Variants in MAP3K4 observed in about 807,000 individuals in gnomAD.
MAP3K4 encodes the protein MAP three kinase 1.
MAP3K4 carries 67 observed loss-of-function variants against 185.6 expected under a neutral mutation model. The observed-to-expected ratio is 0.36, with a 90% confidence interval of 0.30 to 0.44. MAP3K4 has a LOEUF of 0.44. Among genes scored for constraint, MAP3K4 ranks in the 20% least tolerant of loss-of-function variants. The pLI, the probability that MAP3K4 is intolerant of heterozygous loss-of-function variation, is 1.00. For synonymous variants in MAP3K4, 702 were observed against 710.4 expected (o/e 0.99, Z 0.19); for missense variants, 1,551 against 1,995.1 (o/e 0.78, Z 4.24).
At position 161,051,585 on chromosome 6, in the gene MAP3K4, T is replaced by C. The variant is rs758835630; in HGVS notation, c.1707+1606T>C. On this transcript the variant is annotated intron_variant, in intron 3 of 26. Coordinates refer to ENST00000392142, the MANE Select transcript of MAP3K4 (RefSeq NM_005922.4). The surrounding 1 kb of genome is among the most constrained non-coding windows in gnomAD (Gnocchi z 4.2). Reference sequence around the variant, plus strand: ...GATGTTTAATTTGTATTGTGACCACTGGTTTTGAAGTAACATGAGTGAAGA... The same window carrying C: ...GATGTTTAATTTGTATTGTGACCACCGGTTTTGAAGTAACATGAGTGAAGA... Among the ~76,000 whole-genome samples, 1 of 152,128 alleles carries C rather than the reference T, an allele frequency of 6.6e-6. No individual in the cohort carries two copies. The highest frequency in any genetic ancestry group is 2.4e-5 in the African/African-American group (1 of 41,452).
intron 3 of MAP3K4, among the ~76,000 whole-genome samples, chr6:161,058,220 AT>A (rs199759561): frequency 3.3e-5 from 5 of 152,106 alleles, no homozygotes; most frequent in African/African-American, 1.2e-4. Context: ...TGTTTTAAAT[AT>A]TTTTTTTGAC....
chr6:161,098,188 C>T lies in MAP3K4; in HGVS notation c.3525-90C>T, dbSNP rs1326195468. 13 of 1,347,702 alleles carry T rather than the reference C, an allele frequency of 9.6e-6. 1 individual carries two copies. The Admixed American group carries it at 2.6e-4, about 27-fold the overall frequency. The allele number at this position is 1,347,702 out of a possible 1,614,324, so 83.5% of individuals were successfully genotyped here. The stretch of plus-strand genomic sequence containing the variant: ...TTATATTTTTAAATATATTTCACCC[C>T]CTTGCCATATTTTATTTTTAATTGA... On this transcript the variant is annotated intron_variant, in intron 16 of 26. Transcript: ENST00000392142. The surrounding 1 kb of genome is among the most constrained non-coding windows in gnomAD (Gnocchi z 4.4).
At position 161,073,459 on chromosome 6, in the gene MAP3K4, T is replaced by C; in HGVS notation, c.1951-7T>C. 6.3e-7 allele frequency: 1 copy of C among 1,584,068 alleles called. No homozygotes were observed. The highest frequency in any genetic ancestry group is 8.6e-7 in the Non-Finnish European group (1 of 1,165,030). ...GGCTGCTGGAACCTGTGTGTGTTGT[T>C]TTGCAGCTGGTGAGAGAGTGTAAGG... On this transcript the variant is annotated splice_polypyrimidine_tract_variant and splice_region_variant and intron_variant, in intron 4 of 26. Transcript: ENST00000392142. This position sits in a 1 kb window ranked among gnomAD's most constrained non-coding sequence, Gnocchi z 4.2.
rs966594616 is a variant in MAP3K4 at position 160,996,146 on chromosome 6, G to T, written c.152+4063G>T. On this transcript the variant is annotated intron_variant, in intron 1 of 26. Transcript: ENST00000392142. The surrounding 1 kb of genome is among the most constrained non-coding windows in gnomAD (Gnocchi z 4.5). ...TATGTCAACTGTTCTCCCTGGCAAA[G>T]TCAGCCTCCTGTGGTGCTCCAGACT... 6.6e-6 allele frequency among the ~76,000 whole-genome samples: 1 copy of T among 152,136 alleles called. No homozygotes were observed. Among genetic ancestry groups the T allele is most frequent in the Non-Finnish European group, 1.5e-5 (1 of 68,038 alleles).
chr6:161,070,904 G>A lies in MAP3K4; in HGVS notation c.1950+54G>A. ...TAGCAATTATTATATTATCCTACAG[G>A]CTTATCATTTTTATTTTGAGAGTTC... On this transcript the variant is annotated intron_variant, in intron 4 of 26. Transcript: ENST00000392142. This position sits in a 1 kb window ranked among gnomAD's most constrained non-coding sequence, Gnocchi z 4.5. 7 of 1,439,464 alleles carry A rather than the reference G, an allele frequency of 4.9e-6. 1 individual carries two copies. Among genetic ancestry groups the A allele is most frequent in the South Asian group, 4.3e-5 (3 of 69,980 alleles). The allele number at this position is 1,439,464 out of a possible 1,614,324, so 89.2% of individuals were successfully genotyped here. A position where few individuals can be genotyped will look rare whatever the true frequency, so the allele number is the denominator to read the frequency against.
chr6:161,030,907 T>C (rs1782897106), intron 1 of MAP3K4, among the ~76,000 whole-genome samples: 2 of 152,208 alleles, frequency 1.3e-5, no homozygotes, highest in Non-Finnish European at 2.9e-5. Context: ...ATTAAGTAAA[T>C]CCTAAGAAAA....
rs1302443034 is a variant in MAP3K4 at position 161,061,648 on chromosome 6, G to GCAAC, written c.1708-8958_1708-8955dup. 6.6e-6 allele frequency among the ~76,000 whole-genome samples: 1 copy of GCAAC among 152,132 alleles called. No homozygotes were observed. Among genetic ancestry groups the GCAAC allele is most frequent in the East Asian group, 1.9e-4 (1 of 5,186 alleles). On this transcript the variant is annotated intron_variant, in intron 3 of 26. Coordinates refer to ENST00000392142, the MANE Select transcript of MAP3K4 (RefSeq NM_005922.4). The surrounding 1 kb of genome is among the most constrained non-coding windows in gnomAD (Gnocchi z 4.2). ...CTGTGCTCACTAGCCCTATCTCTAG[G>GCAAC]CAACCGCTAATCTACTTTCTGTCTC...
In MAP3K4 at chr6:161,087,557, T is replaced by A; in HGVS notation, c.2557-131T>A. ...CTGAAGCCGGCTACCTGCAGTTCCC[T>A]CACTGCTCCAATTCATGCCCTTCCC... On this transcript the variant is annotated intron_variant, in intron 9 of 26. Coordinates refer to ENST00000392142, the MANE Select transcript of MAP3K4 (RefSeq NM_005922.4). This position sits in a 1 kb window ranked among gnomAD's most constrained non-coding sequence, Gnocchi z 4.9. The A allele has an allele frequency of 1.1e-6, 1 of 876,648 alleles. No homozygotes were observed. The highest frequency in any genetic ancestry group is 1.8e-6 in the Non-Finnish European group (1 of 552,292). 54.3% of individuals were successfully genotyped at this position (876,648 alleles called of 1,614,324 possible).
In MAP3K4 at chr6:161,036,139, G is replaced by A. The variant is rs139738739; in HGVS notation, c.343+1690G>A. 1.1e-4 allele frequency among the ~76,000 whole-genome samples: 16 copies of A among 152,304 alleles called. No individual in the cohort carries two copies. The East Asian group carries it at 2.9e-3, about 28-fold the overall frequency. On this transcript the variant is annotated intron_variant, in intron 2 of 26. Transcript: ENST00000392142. ...GTTCTGTTGTCCTGCTGGTCTGTGC[G>A]AGAGATAGAGGGAAAGGAAAGGATT...
At position 161,110,634 on chromosome 6, in the gene MAP3K4, A is replaced by G. The variant is rs1778304113; in HGVS notation, c.4396+720A>G. On this transcript the variant is annotated intron_variant, in intron 23 of 26. Coordinates refer to ENST00000392142, the MANE Select transcript of MAP3K4 (RefSeq NM_005922.4). The surrounding 1 kb of genome is among the most constrained non-coding windows in gnomAD (Gnocchi z 4.8). ...GAGGCTAACCTAAACACATTAACTT[A>G]GGAACCGACCTGACTTCTGACCAGG... Among the ~76,000 whole-genome samples, 1 of 152,218 alleles carries G rather than the reference A, an allele frequency of 6.6e-6. No individual in the cohort carries two copies. The highest frequency in any genetic ancestry group is 2.4e-5 in the African/African-American group (1 of 41,450).
chr6:161,050,807 A>G (rs1453930371), intron 3 of MAP3K4, among the ~76,000 whole-genome samples: 1 of 152,194 alleles, frequency 6.6e-6, no homozygotes, highest in African/African-American at 2.4e-5. Flanking sequence ...CTAAAAGTGA[A>G]ACCCAAATCT....
intron 1 of MAP3K4, among the ~76,000 whole-genome samples, chr6:161,013,659 A>T (rs1349341318): frequency 1.3e-5 from 2 of 152,344 alleles, no homozygotes; most frequent in Non-Finnish European, 2.9e-5. Context: ...TGAAGAGGCA[A>T]CGTTACATCT....
rs1254701898 is a variant in MAP3K4, at chr6:161,097,720, TCA to T, written c.3524+545_3524+546del. The stretch of plus-strand genomic sequence containing the variant: ...TGAGCACCTTCTCTCGCCTGTATAA[TCA>T]GTTTTTAAAAGTTTAATTTTATTTG... On this transcript the variant is annotated intron_variant, in intron 16 of 26. Transcript: ENST00000392142. The surrounding 1 kb of genome is among the most constrained non-coding windows in gnomAD (Gnocchi z 4.9). 1.3e-5 allele frequency among the ~76,000 whole-genome samples: 2 copies of T among 152,184 alleles called. No homozygotes were observed. The highest frequency in any genetic ancestry group is 2.9e-5 in the Non-Finnish European group (2 of 68,038).
At position 161,110,351 on chromosome 6, in the gene MAP3K4, T is replaced by C. The variant is rs763601093; in HGVS notation, c.4396+437T>C. On this transcript the variant is annotated intron_variant, in intron 23 of 26. Coordinates refer to ENST00000392142, the MANE Select transcript of MAP3K4 (RefSeq NM_005922.4). The surrounding 1 kb of genome is among the most constrained non-coding windows in gnomAD (Gnocchi z 4.8). ...TGAGGCTACGTTTTTGAGACAAGAA[T>C]GGGGTTTGTTTACACAAACCTTGAA... Among the ~76,000 whole-genome samples, 3 of 152,214 alleles carry C rather than the reference T, an allele frequency of 2.0e-5. No individual in the cohort carries two copies. Among genetic ancestry groups the C allele is most frequent in the Non-Finnish European group, 4.4e-5 (3 of 68,032 alleles).
At chr6:161,023,433 G>A (rs535058828) in intron 1 of MAP3K4, among the ~76,000 whole-genome samples, 8 of 152,322 alleles carry the variant, frequency 5.3e-5, no homozygotes, top group South Asian at 4.1e-4. Context: ...GTATGTTTAG[G>A]TTATGCTTCT....
intron 1 of MAP3K4, among the ~76,000 whole-genome samples, chr6:161,032,486 A>G (rs554265765): frequency 6.6e-6 from 1 of 152,296 alleles, no homozygotes; most frequent in African/African-American, 2.4e-5. Flanking sequence ...CTTATTTTGT[A>G]AATGTACACA....
rs1778212462 is a variant in MAP3K4, at chr6:161,108,631, A to G, written c.4120-112A>G. On this transcript the variant is annotated intron_variant, in intron 21 of 26. Coordinates refer to ENST00000392142, the MANE Select transcript of MAP3K4 (RefSeq NM_005922.4). This position sits in a 1 kb window ranked among gnomAD's most constrained non-coding sequence, Gnocchi z 5.7. The stretch of plus-strand genomic sequence containing the variant: ...CTTAATTTTTTGTTGTTTTTAATTG[A>G]CAAATCATGATTACATATATTTATG... 1.4e-6 allele frequency: 1 copy of G among 704,586 alleles called. No individual in the cohort carries two copies. The highest frequency in any genetic ancestry group is 1.8e-5 in the African/African-American group (1 of 55,650). The allele number at this position is 704,586 out of a possible 1,614,324, so 43.6% of individuals were successfully genotyped here.
At position 161,051,555 on chromosome 6, in the gene MAP3K4, G is replaced by A. The variant is rs1784002014; in HGVS notation, c.1707+1576G>A. 6.6e-6 allele frequency among the ~76,000 whole-genome samples: 1 copy of A among 152,168 alleles called. No homozygotes were observed. The highest frequency in any genetic ancestry group is 2.4e-5 in the African/African-American group (1 of 41,440). ...ATTAAGGACATATGTTGGTAAGACAGGATTGATGTTTAATTTGTATTGTGA... is the reference window on the plus strand; with the variant it reads ...ATTAAGGACATATGTTGGTAAGACAAGATTGATGTTTAATTTGTATTGTGA... On this transcript the variant is annotated intron_variant, in intron 3 of 26. Transcript: ENST00000392142. This position sits in a 1 kb window ranked among gnomAD's most constrained non-coding sequence, Gnocchi z 4.2.
At position 161,110,939 on chromosome 6, in the gene MAP3K4, C is replaced by T. The variant is rs375310747; in HGVS notation, c.4397-897C>T. On this transcript the variant is annotated intron_variant, in intron 23 of 26. Coordinates refer to ENST00000392142, the MANE Select transcript of MAP3K4 (RefSeq NM_005922.4). The surrounding 1 kb of genome is among the most constrained non-coding windows in gnomAD (Gnocchi z 4.8). ...CCACTGTCACAAAATGGTGTTTGCA[C>T]GTTTGTTCCGTGGCAGGAAGAGACT... Among the ~76,000 whole-genome samples, 4 of 152,202 alleles carry T rather than the reference C, an allele frequency of 2.6e-5. No homozygotes were observed. The highest frequency in any genetic ancestry group is 9.6e-5 in the African/African-American group (4 of 41,464).
Sources: gnomAD v4.1 joint callset for allele counts (sites outside exome capture counted in the v4.1 genomes callset) on GRCh38, gnomAD v4.1.1 for gene constraint, Gnocchi (gnomAD v3.1) non-coding constraint, MANE v1.5 for transcripts, NCBI Gene and HGNC (gene_info 2026-07-23, HGNC 2026-07-21) for gene names.